AKAP13: variants seen among roughly 807,000 people sequenced by gnomAD.
AKAP13 encodes A-kinase anchor protein 13.
AKAP13 carries 80 observed loss-of-function variants against 264.5 expected under a neutral mutation model. The observed-to-expected ratio is 0.30, with a 90% confidence interval of 0.25 to 0.36. The LOEUF is 0.36. Among genes scored for constraint, AKAP13 ranks in the 10% least tolerant of loss-of-function variants. The pLI is 1.00. For synonymous variants in AKAP13, 1,380 were observed against 1,250.2 expected (o/e 1.10, Z -2.19); for missense variants, 3,712 against 3,435.2 (o/e 1.08, Z -2.01).
chr15:85,448,115 A>G (rs911553459), intron 1 of AKAP13, among the ~76,000 whole-genome samples: 1 of 152,144 alleles, frequency 6.6e-6, no homozygotes, highest in Non-Finnish European at 1.5e-5. Flanking sequence ...CATTTCTCTA[A>G]TGATCACTGA....
chr15:85,591,122 T>A (rs2079561663), intron 8 of AKAP13, among the ~76,000 whole-genome samples: 1 of 152,228 alleles, frequency 6.6e-6, no homozygotes, highest in African/African-American at 2.4e-5. Context: ...CCAGCACCTT[T>A]GCTTTATAAG....
At position 85,572,589 on chromosome 15, in the gene AKAP13, A is replaced by G. The variant is rs1222828184; in HGVS notation, c.663-2542A>G. Among the ~76,000 whole-genome samples, 4 of 152,104 alleles carry G rather than the reference A, an allele frequency of 2.6e-5. No individual in the cohort carries two copies. In the East Asian group the frequency reaches 5.8e-4, roughly 22 times the overall value. ...AAGTTGTAATAGTAGTTTTTGGAGT[A>G]CACTTTATTATTATTACCGTCAGCC... is the stretch of plus-strand genomic sequence containing the variant. On this transcript the variant is annotated intron_variant, in intron 5 of 36. Transcript: ENST00000394518.
At chr15:85,390,772 G>A (rs1021526951) in intron 1 of AKAP13, among the ~76,000 whole-genome samples, 2 of 152,168 alleles carry the variant, frequency 1.3e-5, no homozygotes, top group African/African-American at 4.8e-5. Context: ...TTACAGATTG[G>A]AAAAAGGTTC....
chr15:85,649,423 C>G (rs1419650597), intron 10 of AKAP13, among the ~76,000 whole-genome samples: 1 of 152,208 alleles, frequency 6.6e-6, no homozygotes, highest in Non-Finnish European at 1.5e-5. Flanking sequence ...AGTGGTCACC[C>G]CCAGAGTGTG....
rs2079113681 is a variant in AKAP13 at position 85,579,450 on chromosome 15, C to T, written c.1382C>T (p.Ser461Phe). 2 of 1,614,208 alleles carry T rather than the reference C, an allele frequency of 1.2e-6. No individual in the cohort carries two copies. Among genetic ancestry groups the T allele is most frequent in the African/African-American group, 1.3e-5 (1 of 75,046 alleles). Residue 461 changes from serine to phenylalanine, a missense_variant, in exon 7 of 37, where the codon TCT (serine) becomes TTT (phenylalanine). By Grantham distance (155) the Ser-to-Phe change is radical. Coordinates refer to ENST00000394518, the MANE Select transcript of AKAP13 (RefSeq NM_007200.5). ...VMEPGTAQYS[S>F]GGELGGISTT... ...GAGCCAGGCACAGCCCAGTATTCCTCTGGAGGTGAACTGGGAGGCATTTCA... is the reference window on the plus strand; with the variant it reads ...GAGCCAGGCACAGCCCAGTATTCCTTTGGAGGTGAACTGGGAGGCATTTCA...
Position 85,580,042 on chromosome 15 carries a change from C to T in AKAP13, c.1974C>T (p.Asp658=), listed in dbSNP as rs762400650. 123 of 1,614,036 alleles carry T rather than the reference C, an allele frequency of 7.6e-5. 1 individual carries two copies. Among genetic ancestry groups the T allele is most frequent in the Admixed American group, 1.7e-4 (10 of 59,998 alleles). The change falls in exon 7 of 37, where the codon GAC becomes GAT. Residue 658 remains aspartate (D), a synonymous_variant. Coordinates refer to ENST00000394518, the MANE Select transcript of AKAP13 (RefSeq NM_007200.5). ...KSSPICSTTG[D]DKLCADSACQ... is the part of the protein sequence containing the mutation. ...CACCCATTTGTTCTACAACTGGAGA[C>T]GATAAACTTTGTGCAGACTCTGCAT... is the stretch of plus-strand genomic sequence containing the variant.
At chr15:85,719,366 G>A in intron 23 of AKAP13, 40 bp downstream of exon 23, 1 of 1,602,384 alleles carries the variant, frequency 6.2e-7, no homozygotes, top group Non-Finnish European at 8.5e-7. Flanking sequence ...CATACACTGG[G>A]AAAAAGGGAA....
Position 85,710,761 on chromosome 15 carries a change from G to GTAATTCATATTT in AKAP13, c.5599+116_5599+117insTAATTCATATTT. 2.6e-6 allele frequency: 3 copies of GTAATTCATATTT among 1,170,786 alleles called. No individual in the cohort carries two copies. In the East Asian group the frequency reaches 7.7e-5, roughly 30 times the overall value. The allele number at this position is 1,170,786 out of a possible 1,614,324, so 72.5% of individuals were successfully genotyped here. On this transcript the variant is annotated intron_variant, in intron 19 of 36. Transcript: ENST00000394518. ...GTCAAGATATGAATACCTATTTTGT[G>GTAATTCATATTT]GTAAGTGAGAGAAGGCTGCTGTTTT...
rs1468426658 is a variant in AKAP13 at position 85,698,521 on chromosome 15, C to CT, written c.5464+5075dup. Among the ~76,000 whole-genome samples the CT allele has an allele frequency of 3.4e-5, 5 of 148,726 alleles. No homozygotes were observed. In the East Asian group the frequency reaches 1.0e-3, roughly 30 times the overall value. On this transcript the variant is annotated intron_variant, in intron 17 of 36. Coordinates refer to ENST00000394518, the MANE Select transcript of AKAP13 (RefSeq NM_007200.5). ...ATAGGACAGATCAGAGGTTGCCAAA[C>CT]TTTTTCTGCAAAGGAACCAATGGTA...
At chr15:85,740,584 T>A in intron 34 of AKAP13, 1 of 380,390 alleles carries the variant, frequency 2.6e-6, no homozygotes, top group East Asian at 4.6e-5. Context: ...GTTTCTATAT[T>A]CCGTATCTCT....
chr15:85,394,344 A>T (rs1445192548), intron 1 of AKAP13, among the ~76,000 whole-genome samples: 3 of 152,220 alleles, frequency 2.0e-5, no homozygotes, highest in Non-Finnish European at 2.9e-5. Context: ...TGGACCCAAC[A>T]GAAGACAGGG....
At chr15:85,451,019 T>C (rs1471494605) in intron 1 of AKAP13, among the ~76,000 whole-genome samples, 1 of 152,188 alleles carries the variant, frequency 6.6e-6, no homozygotes, top group African/African-American at 2.4e-5. Flanking sequence ...AGAACTTGCT[T>C]TATGACTCTG....
intron 8 of AKAP13, among the ~76,000 whole-genome samples, chr15:85,590,966 T>G (rs2079555866): frequency 6.6e-6 from 1 of 152,224 alleles, no homozygotes; most frequent in African/African-American, 2.4e-5. Flanking sequence ...TGGAATATGG[T>G]GGTTCAGACT....
Position 85,724,050 on chromosome 15 carries a change from G to A in AKAP13, c.6745+730G>A, listed in dbSNP as rs187488590. On this transcript the variant is annotated intron_variant, in intron 26 of 36. Transcript: ENST00000394518. This position sits in a 1 kb window ranked among gnomAD's most constrained non-coding sequence, Gnocchi z 4.2. ...GCCTATATGTTACACCAATAGCCTT[G>A]AATTATACCCACCCCGTCGCCCTGG... 6.6e-6 allele frequency among the ~76,000 whole-genome samples: 1 copy of A among 152,256 alleles called. No homozygotes were observed.
intron 19 of AKAP13, among the ~76,000 whole-genome samples, chr15:85,714,219 A>C (rs907079225): frequency 6.6e-6 from 1 of 152,244 alleles, no homozygotes; most frequent in African/African-American, 2.4e-5. Context: ...GGAAGAGAAA[A>C]TATATTTACT....
rs1265205227 is a variant in AKAP13, at chr15:85,735,085, T to C, written c.7376T>C (p.Val2459Ala). 2.5e-6 allele frequency: 4 copies of C among 1,614,108 alleles called. No homozygotes were observed. In the Admixed American group the frequency reaches 6.7e-5, roughly 27 times the overall value. ...ATTGAGCAAGATGTGGTCGGTCCCG[T>C]TTCCCTGCCCCGGAGAGCAGAGACC... The part of the protein sequence containing the change: ...SPIEQDVVGP[V>A]SLPRRAETFG... The change falls in exon 31 of 37, where the codon GTT (valine) becomes GCT (alanine). Residue 2459 changes from valine to alanine, a missense_variant. Transcript: ENST00000394518.
At chr15:85,460,335 G>GC (rs2074459527) in intron 1 of AKAP13, among the ~76,000 whole-genome samples, 1 of 152,144 alleles carries the variant, frequency 6.6e-6, no homozygotes, top group African/African-American at 2.4e-5. Flanking sequence ...AAAGTACACA[G>GC]CCCCCGATAC....
rs1399512410 is a variant in AKAP13, at chr15:85,521,375, C to G, written c.34-53C>G. ...AAATATGATGTTTGATAAAGATAGG[C>G]TGCGAAGAGGAACCTTACTAATGTA... On this transcript the variant is annotated intron_variant, in intron 2 of 36. Coordinates refer to ENST00000394518, the MANE Select transcript of AKAP13 (RefSeq NM_007200.5). 5 of 1,585,686 alleles carry G rather than the reference C, an allele frequency of 3.2e-6. No individual in the cohort carries two copies. In the Admixed American group the frequency reaches 8.5e-5, roughly 27 times the overall value.
chr15:85,573,209 A>T (rs370694559), intron 5 of AKAP13, among the ~76,000 whole-genome samples: 3 of 152,154 alleles, frequency 2.0e-5, no homozygotes, highest in Non-Finnish European at 4.4e-5. Flanking sequence ...CATGATAATG[A>T]TCTCAAATAT....
Sources: gnomAD v4.1 joint callset for allele counts (sites outside exome capture counted in the v4.1 genomes callset) on GRCh38, gnomAD v4.1.1 for gene constraint, Gnocchi (gnomAD v3.1) non-coding constraint, MANE v1.5 for transcripts, NCBI Gene and HGNC (gene_info 2026-07-23, HGNC 2026-07-21) for gene names.